GABRR1: variants seen among roughly 807,000 people sequenced by gnomAD.
GABRR1 encodes gamma-aminobutyric acid type A receptor subunit rho1, also known as gamma-aminobutyric acid receptor subunit rho-1.
GABRR1 carries 59 observed loss-of-function variants against 55.5 expected under a neutral mutation model. The ratio of observed to expected loss-of-function variants is 1.06; its 90% confidence interval spans 0.86 to 1.32. The LOEUF is 1.32. GABRR1 is among the 40% of genes most tolerant of loss of function. GABRR1 has a pLI of 0.00. For missense variants in GABRR1, 602 were observed against 619.1 expected, an observed-to-expected ratio of 0.97 and a Z score of 0.29; for synonymous variants, 213 against 226.0, an observed-to-expected ratio of 0.94 and a Z score of 0.51.
chr6:89,195,575 C>T (rs1347855047), intron 5 of GABRR1, among the ~76,000 whole-genome samples: 2 of 152,030 alleles, frequency 1.3e-5, no homozygotes, highest in East Asian at 3.8e-4. Context: ...AAACTGTCAT[C>T]CAAGAATATT....
chr6:89,185,487 T>A, intron 6 of GABRR1, 37 bp from the exon 7 acceptor site: 2 of 1,593,420 alleles, frequency 1.3e-6, no homozygotes, highest in Non-Finnish European at 1.7e-6. Context: ...CACAAGGTGG[T>A]GGCAAGACAG....
intron 1 of GABRR1, among the ~76,000 whole-genome samples, chr6:89,230,813 T>G (rs1773273568): frequency 6.6e-6 from 1 of 151,528 alleles, no homozygotes; most frequent in African/African-American, 2.4e-5. Flanking sequence ...TCCCAGCTGC[T>G]TTGTTTACCT....
At chr6:89,185,168 G>A in intron 7 of GABRR1, 142 bp downstream of exon 7, 1 of 1,078,768 alleles carries the variant, frequency 9.3e-7, no homozygotes, top group Non-Finnish European at 1.4e-6. Flanking sequence ...ATGAGCCACT[G>A]CACCCGGCCT....
At chr6:89,189,272 C>T (rs1002544656) in intron 6 of GABRR1, among the ~76,000 whole-genome samples, 55 of 150,766 alleles carry the variant, frequency 3.6e-4, no homozygotes, top group African/African-American at 1.3e-3. Flanking sequence ...AAATGTCCAA[C>T]AATGATAGAC....
At chr6:89,216,525 G>C (rs1772986307) in intron 1 of GABRR1, among the ~76,000 whole-genome samples, 1 of 152,126 alleles carries the variant, frequency 6.6e-6, no homozygotes, top group African/African-American at 2.4e-5. Flanking sequence ...TGCCAGTGCT[G>C]CCGTCAGAAT....
intron 1 of GABRR1, among the ~76,000 whole-genome samples, chr6:89,205,966 G>A (rs939635741): frequency 9.1e-5 from 13 of 142,180 alleles, no homozygotes; most frequent in Non-Finnish European, 1.3e-4. Context: ...TCTCAGACAT[G>A]TACTGCTCAT....
intron 5 of GABRR1, among the ~76,000 whole-genome samples, chr6:89,197,280 T>C (rs1054082878): frequency 6.6e-6 from 1 of 152,204 alleles, no homozygotes; most frequent in Non-Finnish European, 1.5e-5. Flanking sequence ...GCAAAGTCTG[T>C]GAAACTGGAA....
chr6:89,212,738 G>A (rs1041835642), intron 1 of GABRR1, among the ~76,000 whole-genome samples: 19 of 152,000 alleles, frequency 1.3e-4, no homozygotes, highest in African/African-American at 4.4e-4. Flanking sequence ...GCATGATCAC[G>A]GCTCACTGCA....
At chr6:89,199,228 C>G in intron 4 of GABRR1, 134 bp downstream of exon 4, 1 of 768,696 alleles carries the variant, frequency 1.3e-6, no homozygotes. Context: ...CCTGAGCCAT[C>G]TGAAAAAGTA....
chr6:89,188,556 C>T (rs935158732), intron 6 of GABRR1, among the ~76,000 whole-genome samples: 1 of 152,098 alleles, frequency 6.6e-6, no homozygotes, highest in African/African-American at 2.4e-5. Flanking sequence ...TGTATACCGT[C>T]TTTGGAGAAA....
chr6:89,188,820 C>T (rs58516374), intron 6 of GABRR1, among the ~76,000 whole-genome samples: 24,837 of 151,986 alleles, frequency 0.16, 2,201 homozygotes, highest in Admixed American at 0.25. Flanking sequence ...GGTGTCATAG[C>T]GCCTGGTTTT....
At chr6:89,203,709 T>G (rs185932320) in intron 1 of GABRR1, among the ~76,000 whole-genome samples, 1 of 152,354 alleles carries the variant, frequency 6.6e-6, no homozygotes, top group Non-Finnish European at 1.5e-5. Flanking sequence ...AGGCCTAATT[T>G]GAAGAGGTCT....
At position 89,179,200 on chromosome 6, in the gene GABRR1, GTTTTGT is replaced by G. The variant is rs142030641; in HGVS notation, c.1147-143_1147-138del. The G allele has an allele frequency of 8.3e-3, 7,577 of 908,096 alleles. 340 individuals carry two copies. The African/African-American group carries it at 0.11, about 13-fold the overall frequency. The allele number at this position is 908,096 out of a possible 1,614,324, so 56.3% of individuals were successfully genotyped here. Reference sequence around the variant, plus strand: ...GGGAAGAGGGTAGGTATCCTGTTTTGTTTTGTTTTTGTTTTTGTTTTTTTTTTGGGG... The same window carrying G: ...GGGAAGAGGGTAGGTATCCTGTTTTGTTTTGTTTTTGTTTTTTTTTTGGGG... On this transcript the variant is annotated intron_variant, in intron 9 of 9. Coordinates refer to ENST00000454853, the MANE Select transcript of GABRR1 (RefSeq NM_002042.5).
Position 89,207,693 on chromosome 6 carries a change from G to A in GABRR1, c.123-4208C>T, listed in dbSNP as rs116221273. Among the ~76,000 whole-genome samples, 442 of 152,238 alleles carry A rather than the reference G, an allele frequency of 2.9e-3. 1 individual carries two copies. Among genetic ancestry groups the A allele is most frequent in the African/African-American group, 0.01 (425 of 41,556 alleles). Reference sequence around the variant, plus strand: ...CCCTGATTACACATTGGAATCACCCGAGGAGCTTAAAAAATCCCAGGCCAC... The same window carrying A: ...CCCTGATTACACATTGGAATCACCCAAGGAGCTTAAAAAATCCCAGGCCAC... On this transcript the variant is annotated intron_variant, in intron 1 of 9. Transcript: ENST00000454853.
intron 5 of GABRR1, among the ~76,000 whole-genome samples, chr6:89,193,273 G>A (rs571723228): frequency 6.6e-6 from 1 of 152,348 alleles, no homozygotes; most frequent in East Asian, 1.9e-4. Context: ...ATCAATGAAT[G>A]AATGAAGTGA....
At chr6:89,189,496 C>T (rs1262912263) in intron 6 of GABRR1, among the ~76,000 whole-genome samples, 2 of 115,078 alleles carry the variant, frequency 1.7e-5, no homozygotes, top group African/African-American at 6.7e-5. Flanking sequence ...GAATATCACA[C>T]TCTGGGGACT....
intron 5 of GABRR1, among the ~76,000 whole-genome samples, chr6:89,191,507 C>T (rs1292803542): frequency 6.6e-6 from 1 of 152,224 alleles, no homozygotes; most frequent in Non-Finnish European, 1.5e-5. Context: ...TACTCCTCCT[C>T]ATTCTGTTAG....
At chr6:89,197,798 A>T (rs1772348081) in intron 5 of GABRR1, among the ~76,000 whole-genome samples, 1 of 152,272 alleles carries the variant, frequency 6.6e-6, no homozygotes. Flanking sequence ...GAAATATAAC[A>T]CATAGAATAG....
chr6:89,196,601 T>C (rs1332046402), intron 5 of GABRR1, among the ~76,000 whole-genome samples: 3 of 151,960 alleles, frequency 2.0e-5, no homozygotes, highest in Non-Finnish European at 4.4e-5. Context: ...GGACATTCTG[T>C]CTTTACAAAA....
Sources: allele counts gnomAD v4.1 joint callset (sites outside exome capture counted in the v4.1 genomes callset), GRCh38; gene constraint gnomAD v4.1.1; transcripts MANE v1.5; gene names NCBI Gene and HGNC (gene_info 2026-07-23, HGNC 2026-07-21).